The following UBE3D variants were observed in gnomAD, a reference collection of about 807,000 sequenced individuals.
UBE3D encodes the protein E3 ubiquitin-protein ligase E3D.
UBE3D carries 48 observed loss-of-function variants against 49.6 expected under a neutral mutation model. The ratio of observed to expected loss-of-function variants is 0.97; its 90% CI spans 0.77 to 1.23. UBE3D has a LOEUF of 1.23. UBE3D is among the 50% of genes most tolerant of loss of function. The pLI, the probability that UBE3D is intolerant of heterozygous loss-of-function variation, is 0.00. For synonymous variants in UBE3D, 189 were observed against 174.2 expected, an observed-to-expected ratio of 1.08 and a Z score of -0.67; for missense variants, 452 against 468.4, an observed-to-expected ratio of 0.96 and a Z score of 0.32.
chr6:82,956,158 T>C (rs949751181), intron 9 of UBE3D, among the ~76,000 whole-genome samples: 16 of 152,182 alleles, frequency 1.1e-4, no homozygotes, highest in Admixed American at 8.5e-4. Flanking sequence ...CAAAGCAATA[T>C]ACAATGCTCC....
At chr6:82,881,025 C>G in the UBE3D span, among the ~76,000 whole-genome samples, 337 of 152,268 alleles carry the variant, frequency 2.2e-3, 2 homozygotes, top group Non-Finnish European at 3.5e-3. Flanking sequence ...GACTTACTTG[C>G]CTTCCAAAAG....
At chr6:83,062,562 G>A (rs1409199538) in intron 1 of UBE3D, among the ~76,000 whole-genome samples, 2 of 152,060 alleles carry the variant, frequency 1.3e-5, no homozygotes, top group Non-Finnish European at 2.9e-5. Context: ...TTAGGAACAA[G>A]AACACCAATA....
At chr6:82,969,039 G>C (rs1338372815) in intron 8 of UBE3D, among the ~76,000 whole-genome samples, 4 of 152,056 alleles carry the variant, frequency 2.6e-5, no homozygotes, top group Non-Finnish European at 5.9e-5. Context: ...AAGTAGACAG[G>C]AGTGGTCACT....
Position 83,057,895 on chromosome 6 carries a change from G to C in UBE3D, c.205C>G (p.Arg69Gly), listed in dbSNP as rs140716565. 1.2e-5 allele frequency: 20 copies of C among 1,614,138 alleles called. No homozygotes were observed. Among genetic ancestry groups the C allele is most frequent in the Non-Finnish European group, 1.7e-5 (20 of 1,180,014 alleles). ...AEVRLVPSSC[R>G]GLQFVVGDGL... ...TCTCCAACAACAAACTGTAGCCCACGGCAAGAGGAAGGTACAAGCCTGACC... is the reference window on the plus strand; with the variant it reads ...TCTCCAACAACAAACTGTAGCCCACCGCAAGAGGAAGGTACAAGCCTGACC... The change falls in exon 2 of 10, where the codon CGT becomes GGT. Residue 69 changes from arginine to glycine, a missense_variant. Coordinates refer to ENST00000369747, the MANE Select transcript of UBE3D (RefSeq NM_198920.3).
At chr6:82,917,011 C>G (rs1462076130) in intron 9 of UBE3D, among the ~76,000 whole-genome samples, 1 of 152,126 alleles carries the variant, frequency 6.6e-6, no homozygotes, top group African/African-American at 2.4e-5. Context: ...CCTGGGAGCA[C>G]TTAAAAAAAC....
At chr6:82,939,394 A>G (rs1394824042) in intron 9 of UBE3D, among the ~76,000 whole-genome samples, 2 of 152,236 alleles carry the variant, frequency 1.3e-5, no homozygotes, top group East Asian at 1.9e-4. Flanking sequence ...TCGTGGGTAC[A>G]TACAGTCATG....
chr6:82,885,040 T>A, the UBE3D span, among the ~76,000 whole-genome samples: 3 of 152,146 alleles, frequency 2.0e-5, no homozygotes, highest in Non-Finnish European at 4.4e-5. Context: ...TAAAAATATC[T>A]GTATGAAAAT....
the UBE3D span, among the ~76,000 whole-genome samples, chr6:82,883,684 C>T: frequency 1.5e-4 from 23 of 152,186 alleles, no homozygotes; most frequent in South Asian, 4.6e-3. Context: ...AGACAGCTTT[C>T]CCAGGATAGA....
chr6:83,007,445 C>T (rs1182568118), intron 8 of UBE3D, among the ~76,000 whole-genome samples: 1 of 152,160 alleles, frequency 6.6e-6, no homozygotes, highest in Non-Finnish European at 1.5e-5. Flanking sequence ...TTACTCCCTA[C>T]TAATTGTATT....
chr6:82,965,106 A>G (rs1776817274), intron 8 of UBE3D, among the ~76,000 whole-genome samples: 1 of 152,332 alleles, frequency 6.6e-6, no homozygotes, highest in East Asian at 1.9e-4. Context: ...AAGTTTGTCA[A>G]GGTAAATCTC....
At chr6:83,051,378 G>A (rs1038723935) in intron 3 of UBE3D, among the ~76,000 whole-genome samples, 1 of 152,178 alleles carries the variant, frequency 6.6e-6, no homozygotes, top group Non-Finnish European at 1.5e-5. Flanking sequence ...GACTGACACA[G>A]AAGATACAGT....
chr6:83,009,398 T>C (rs972480999), intron 8 of UBE3D, among the ~76,000 whole-genome samples: 3 of 151,828 alleles, frequency 2.0e-5, no homozygotes, highest in Non-Finnish European at 4.4e-5. Context: ...TAAGTACTCA[T>C]CTAGCTGAGC....
At chr6:83,013,121 C>A (rs1360553686) in intron 8 of UBE3D, among the ~76,000 whole-genome samples, 11 of 152,172 alleles carry the variant, frequency 7.2e-5, no homozygotes, top group Non-Finnish European at 1.5e-5. Context: ...CATGCATATA[C>A]CACTTCCATT....
intron 8 of UBE3D, among the ~76,000 whole-genome samples, chr6:82,960,248 G>A (rs1264238469): frequency 6.6e-6 from 1 of 152,064 alleles, no homozygotes; most frequent in Non-Finnish European, 1.5e-5. Context: ...TTGATTGACT[G>A]GTTCTGCTAT....
At chr6:82,995,248 A>G (rs1287614517) in intron 8 of UBE3D, among the ~76,000 whole-genome samples, 1 of 152,210 alleles carries the variant, frequency 6.6e-6, no homozygotes, top group Non-Finnish European at 1.5e-5. Flanking sequence ...TTTGCTTAAC[A>G]GGTGTGTTCA....
At chr6:82,996,396 T>C (rs1488339975) in intron 8 of UBE3D, among the ~76,000 whole-genome samples, 1 of 151,960 alleles carries the variant, frequency 6.6e-6, no homozygotes, top group Non-Finnish European at 1.5e-5. Flanking sequence ...ATAAAATAAA[T>C]ATACATGAGT....
rs191224790 is a variant in UBE3D, at chr6:83,044,399, T to C, written c.597+29A>G. On this transcript the variant is annotated intron_variant, in intron 4 of 9. Coordinates refer to ENST00000369747, the MANE Select transcript of UBE3D (RefSeq NM_198920.3). ...GTCAGTATCTAAGACAGCCTCTAAA[T>C]TACCATTTATTTTGAAATGATATTT... The C allele has an allele frequency of 1.9e-6, 3 of 1,602,050 alleles. No individual in the cohort carries two copies. The East Asian group carries it at 6.7e-5, about 36-fold the overall frequency.
chr6:83,012,536 G>C (rs1287356124), intron 8 of UBE3D, among the ~76,000 whole-genome samples: 1 of 152,188 alleles, frequency 6.6e-6, no homozygotes, highest in Non-Finnish European at 1.5e-5. Context: ...GCTGGGGAAA[G>C]AGGCTGAGAA....
intron 9 of UBE3D, among the ~76,000 whole-genome samples, chr6:82,920,587 G>A (rs781131153): frequency 3.3e-5 from 5 of 152,192 alleles, no homozygotes; most frequent in East Asian, 3.9e-4. Flanking sequence ...CCAAAGTTTC[G>A]GTGTCCTCCT....
Sources: gnomAD v4.1 joint callset for allele counts (sites outside exome capture counted in the v4.1 genomes callset) on GRCh38, gnomAD v4.1.1 for gene constraint, MANE v1.5 for transcripts, NCBI Gene and HGNC (gene_info 2026-07-23, HGNC 2026-07-21) for gene names.